The following PER3 variants were observed in gnomAD, a reference collection of about 807,000 sequenced individuals.
PER3 encodes the protein period circadian protein homolog 3.
PER3 carries 107 observed loss-of-function variants against 127.2 expected under a neutral mutation model. The observed-to-expected ratio is 0.84, with a 90% CI of 0.72 to 0.99. The LOEUF (loss-of-function observed/expected upper bound fraction) is 0.99, where lower values mean the gene tolerates loss of function less well. PER3 is among the 50% of genes least tolerant of loss of function. The pLI, the probability that PER3 is intolerant of heterozygous loss-of-function variation, is 0.00. For synonymous variants in PER3, 618 were observed against 585.8 expected, an observed-to-expected ratio of 1.05 and a Z score of -0.79; for missense variants, 1,560 against 1,525.8, an observed-to-expected ratio of 1.02 and a Z score of -0.37.
chr1:7,816,945 T>C (rs987705915), intron 13 of PER3, among the ~76,000 whole-genome samples: 4 of 152,244 alleles, frequency 2.6e-5, no homozygotes, highest in Non-Finnish European at 4.4e-5. Context: ...GGATAAGCTA[T>C]GTGTATCCAC....
At chr1:7,788,420 A>C in intron 5 of PER3, 174 bp downstream of exon 5, 1 of 592,962 alleles carries the variant, frequency 1.7e-6, no homozygotes, top group Admixed American at 3.0e-5. Flanking sequence ...TTCTGATAAC[A>C]TACTCAATAC....
At chr1:7,804,609 C>G (rs1417072376) in intron 10 of PER3, among the ~76,000 whole-genome samples, 1 of 151,992 alleles carries the variant, frequency 6.6e-6, no homozygotes, top group Non-Finnish European at 1.5e-5. Flanking sequence ...CCATGTTGCC[C>G]AGGCTGGTCT....
intron 16 of PER3, among the ~76,000 whole-genome samples, chr1:7,824,110 A>G (rs557833961): frequency 6.6e-6 from 1 of 152,382 alleles, no homozygotes; most frequent in African/African-American, 2.4e-5. Flanking sequence ...ACTAAAATGT[A>G]TGGGATACAG....
intron 18 of PER3, among the ~76,000 whole-genome samples, chr1:7,829,174 G>A (rs1349285613): frequency 1.3e-5 from 2 of 152,140 alleles, no homozygotes; most frequent in Admixed American, 6.6e-5. Context: ...GCCGGAAACC[G>A]TGGGTAGTTC....
At position 7,808,961 on chromosome 1, in the gene PER3, C is replaced by G; in HGVS notation, c.1205C>G (p.Thr402Arg). ...KKMNDNDKDI[T>R]ELQEQIYKLL... is the part of the protein sequence containing the mutation. ...ATGAACGATAATGACAAAGACATAA[C>G]AGAATTACAAGAACAAATTTACAAA... Residue 402 changes from threonine (T) to arginine (R), a missense_variant, in exon 11 of 22, where the codon ACA becomes AGA. Thr to Arg is a moderately conservative substitution (Grantham distance 71). This residue lies in a region of PER3 where 1,332 missense variants were observed against 1,223.6 expected (regional missense o/e 1.09). Coordinates refer to ENST00000377532, the MANE Select transcript of PER3 (RefSeq NM_001377275.1). 1 of 1,589,248 alleles carries G rather than the reference C, an allele frequency of 6.3e-7. No individual in the cohort carries two copies. Among genetic ancestry groups the G allele is most frequent in the Non-Finnish European group, 8.6e-7 (1 of 1,158,952 alleles).
At chr1:7,814,566 C>T (rs1248473337) in intron 13 of PER3, among the ~76,000 whole-genome samples, 7 of 152,054 alleles carry the variant, frequency 4.6e-5, no homozygotes, top group Non-Finnish European at 1.0e-4. Flanking sequence ...ACTTACTCCA[C>T]AAGAAATGCT....
In PER3 at chr1:7,826,425, A is replaced by G; in HGVS notation, c.1958-55A>G. 2 of 988,550 alleles carry G rather than the reference A, an allele frequency of 2.0e-6. No individual in the cohort carries two copies. Among genetic ancestry groups the G allele is most frequent in the Non-Finnish European group, 3.2e-6 (2 of 632,984 alleles). 61.2% of individuals were successfully genotyped at this position (988,550 alleles called of 1,614,324 possible). On this transcript the variant is annotated intron_variant, in intron 16 of 21. Transcript: ENST00000377532. The surrounding 1 kb of genome is among the most constrained non-coding windows in gnomAD (Gnocchi z 4.2). The stretch of plus-strand genomic sequence containing the variant: ...ATCAAAAGGCAGTTAACAAAGTAAA[A>G]TAAATACAAATAATTGATAGGAATT...
intron 7 of PER3, among the ~76,000 whole-genome samples, chr1:7,800,006 G>A (rs2097163431): frequency 6.6e-6 from 1 of 151,884 alleles, no homozygotes; most frequent in African/African-American, 2.4e-5. Context: ...TCGAACTCCT[G>A]GGCTCTAGTG....
intron 19 of PER3, among the ~76,000 whole-genome samples, chr1:7,833,086 G>T (rs1244584537): frequency 6.6e-6 from 1 of 152,010 alleles, no homozygotes; most frequent in Non-Finnish European, 1.5e-5. Context: ...CTAATATTTG[G>T]AGATTTTTTT....
chr1:7,791,016 TG>T (rs2097117408), intron 5 of PER3, among the ~76,000 whole-genome samples: 1 of 152,226 alleles, frequency 6.6e-6, no homozygotes, highest in African/African-American at 2.4e-5. Flanking sequence ...ATTGAGTGTC[TG>T]TGGCTTTTCT....
At chr1:7,785,617 C>T (rs376925006) in intron 3 of PER3, 31 bp downstream of exon 3, 173 of 1,598,072 alleles carry the variant, frequency 1.1e-4, no homozygotes, top group Non-Finnish European at 1.4e-4. Context: ...TTTCATCCTA[C>T]GAATGCACCA....
chr1:7,832,776 T>G (rs573656761), intron 19 of PER3, among the ~76,000 whole-genome samples: 1 of 151,674 alleles, frequency 6.6e-6, no homozygotes, highest in African/African-American at 2.4e-5. Flanking sequence ...TGAATTGAGA[T>G]TTTTCCCCCC....
chr1:7,797,446 C>T (rs1319408311), intron 6 of PER3, among the ~76,000 whole-genome samples: 3 of 152,036 alleles, frequency 2.0e-5, no homozygotes, highest in Admixed American at 6.6e-5. Flanking sequence ...ACCAGCCTGA[C>T]GAACATGGTG....
chr1:7,804,791 G>A (rs1237694165), intron 10 of PER3, among the ~76,000 whole-genome samples: 1 of 151,932 alleles, frequency 6.6e-6, no homozygotes, highest in Non-Finnish European at 1.5e-5. Flanking sequence ...ACAGCATCAT[G>A]TGGAATGGAA....
intron 6 of PER3, among the ~76,000 whole-genome samples, chr1:7,795,524 G>T (rs1165619132): frequency 1.3e-5 from 2 of 152,226 alleles, no homozygotes; most frequent in African/African-American, 4.8e-5. Flanking sequence ...ACCGGTATCT[G>T]AGGGGTGGCA....
At position 7,803,147 on chromosome 1, in the gene PER3, C is replaced by A; in HGVS notation, c.973C>A (p.Gln325Lys). The A allele has an allele frequency of 6.3e-7, 1 of 1,582,056 alleles. No homozygotes were observed. Among genetic ancestry groups the A allele is most frequent in the Non-Finnish European group, 8.7e-7 (1 of 1,150,850 alleles). The change falls in exon 9 of 22, where the codon CAA becomes AAA. Residue 325 changes from glutamine to lysine, a missense_variant. Gln to Lys is a moderately conservative substitution (Grantham distance 53). Coordinates refer to ENST00000377532, the MANE Select transcript of PER3 (RefSeq NM_001377275.1). Reference sequence around the variant, plus strand: ...TCGTTCTCTGATGGTTGCCATACACCAAAAAGGTCAGGACCTACTCCTTTA... The same window carrying A: ...TCGTTCTCTGATGGTTGCCATACACAAAAAAGGTCAGGACCTACTCCTTTA... ...EDRSLMVAIH[Q>K]KVLKYAGHPP...
intron 5 of PER3, among the ~76,000 whole-genome samples, chr1:7,793,044 C>T (rs1018820437): frequency 1.3e-5 from 2 of 152,206 alleles, no homozygotes; most frequent in Non-Finnish European, 2.9e-5. Context: ...CTGTGATCGT[C>T]TCTTAGAAGT....
rs575043985 is a variant in PER3 at position 7,844,240 on chromosome 1, A to G, written c.*1485A>G. The G allele has an allele frequency of 5.6e-6, 1 of 177,788 alleles. No homozygotes were observed. The highest frequency in any genetic ancestry group is 1.2e-5 in the Non-Finnish European group (1 of 84,102). 11.0% of individuals were successfully genotyped at this position (177,788 alleles called of 1,614,324 possible). On this transcript the variant is annotated 3_prime_UTR_variant, in exon 22 of 22. Transcript: ENST00000377532. ...GGTAATTCCATCTTAAGGTGTCAGA[A>G]CTATTTTCAAATGCTGCCTTTGACA... is the stretch of plus-strand genomic sequence containing the variant.
chr1:7,794,136 G>A (rs2097134567), intron 6 of PER3, 128 bp downstream of exon 6: 1 of 773,436 alleles, frequency 1.3e-6, no homozygotes, highest in Non-Finnish European at 2.3e-6. Flanking sequence ...CTTGGTTATT[G>A]CCACAAGGAG....
Sources: allele counts gnomAD v4.1 joint callset (sites outside exome capture counted in the v4.1 genomes callset), GRCh38; gene constraint gnomAD v4.1.1; regional missense constraint gnomAD v4.1.1; non-coding constraint Gnocchi (gnomAD v3.1); transcripts MANE v1.5; gene names NCBI Gene and HGNC (gene_info 2026-07-23, HGNC 2026-07-21).